Variants in ATP8A1 observed in about 807,000 individuals in gnomAD.
ATP8A1 encodes the protein phospholipid-transporting ATPase IA.
ATP8A1 carries 90 observed loss-of-function variants against 177.7 expected under a neutral mutation model. The observed-to-expected ratio is 0.51, with a 90% confidence interval of 0.43 to 0.60. ATP8A1 has a LOEUF of 0.60. Ranked by LOEUF, ATP8A1 falls within the 20% of genes least tolerant of loss-of-function variation. The pLI, the probability that ATP8A1 is intolerant of heterozygous loss-of-function variation, is 0.00. For synonymous variants in ATP8A1, 493 were observed against 485.9 expected, an observed-to-expected ratio of 1.01 and a Z score of -0.19; for missense variants, 1,072 against 1,392.8, an observed-to-expected ratio of 0.77 and a Z score of 3.67.
chr4:42,655,316 T>C (rs1741505525), intron 1 of ATP8A1, among the ~76,000 whole-genome samples: 2 of 152,170 alleles, frequency 1.3e-5, no homozygotes, highest in African/African-American at 4.8e-5. Context: ...CTTTGGAAAA[T>C]ACACAAGCCA....
chr4:42,451,554 T>A (rs1007365018), intron 30 of ATP8A1, among the ~76,000 whole-genome samples: 12 of 152,160 alleles, frequency 7.9e-5, no homozygotes, highest in Non-Finnish European at 2.9e-5. Context: ...CATAAAAACA[T>A]ATTAAAAACC....
At chr4:42,495,929 G>A (rs920674174) in intron 24 of ATP8A1, among the ~76,000 whole-genome samples, 14 of 152,214 alleles carry the variant, frequency 9.2e-5, no homozygotes, top group Middle Eastern at 3.4e-3. Context: ...TTCCCAGGAC[G>A]GGGGTAGATA....
intron 1 of ATP8A1, among the ~76,000 whole-genome samples, chr4:42,633,324 A>C (rs1216621996): frequency 6.6e-6 from 1 of 152,204 alleles, no homozygotes; most frequent in African/African-American, 2.4e-5. Flanking sequence ...AGTATAAGTG[A>C]AAGGCTTCTG....
intron 1 of ATP8A1, among the ~76,000 whole-genome samples, chr4:42,655,247 C>T (rs894674252): frequency 9.9e-5 from 15 of 152,218 alleles, no homozygotes; most frequent in Admixed American, 3.3e-4. Flanking sequence ...GATGGCACTC[C>T]ACCTTCACCA....
chr4:42,549,979 C>T (rs1454480212), intron 18 of ATP8A1, among the ~76,000 whole-genome samples: 1 of 152,130 alleles, frequency 6.6e-6, no homozygotes, highest in Non-Finnish European at 1.5e-5. Flanking sequence ...AGACCTTTAA[C>T]ACAGAGTCAA....
chr4:42,596,195 A>G (rs754157234), intron 6 of ATP8A1, among the ~76,000 whole-genome samples: 4 of 152,202 alleles, frequency 2.6e-5, no homozygotes, highest in Non-Finnish European at 4.4e-5. Context: ...TGCTTTAATC[A>G]TACATATTCT....
At chr4:42,495,040 AAG>A (rs913985650) in intron 24 of ATP8A1, among the ~76,000 whole-genome samples, 2 of 152,246 alleles carry the variant, frequency 1.3e-5, no homozygotes, top group Admixed American at 6.5e-5. Context: ...AATGTCAAAT[AAG>A]AGGATATATA....
At position 42,411,736 on chromosome 4, in the gene ATP8A1, T is replaced by TG. The variant is rs34850463; in HGVS notation, c.*1179dup. 1 of 152,202 alleles carries TG rather than the reference T, an allele frequency of 6.6e-6. No individual in the cohort carries two copies. The highest frequency in any genetic ancestry group is 2.4e-5 in the African/African-American group (1 of 41,448). 9.4% of individuals were successfully genotyped at this position (152,202 alleles called of 1,614,324 possible). On this transcript the variant is annotated 3_prime_UTR_variant, in exon 37 of 37. Coordinates refer to ENST00000381668, the MANE Select transcript of ATP8A1 (RefSeq NM_006095.2). The stretch of plus-strand genomic sequence containing the variant: ...CTGAGTAAAATCCGCATTTTTTAAA[T>TG]GGGGAAAATGTACTACCTATTTGTC...
At chr4:42,527,855 AAGGGGAGG>A (rs1340114645) in intron 20 of ATP8A1, among the ~76,000 whole-genome samples, 2 of 152,164 alleles carry the variant, frequency 1.3e-5, no homozygotes, top group Non-Finnish European at 2.9e-5. Context: ...CCCTTGAATG[AAGGGGAGG>A]CTGGGTACCC....
intron 24 of ATP8A1, among the ~76,000 whole-genome samples, chr4:42,494,120 G>A (rs1241909463): frequency 3.4e-5 from 4 of 117,702 alleles, no homozygotes; most frequent in African/African-American, 1.3e-4. Flanking sequence ...AGAATTTCTT[G>A]AACCCAGGAG....
At chr4:42,476,511 C>T (rs1405120599) in intron 25 of ATP8A1, among the ~76,000 whole-genome samples, 5 of 151,056 alleles carry the variant, frequency 3.3e-5, no homozygotes, top group Admixed American at 1.3e-4. Context: ...CCCAGCTACT[C>T]GGGAGGCTGA....
intron 24 of ATP8A1, among the ~76,000 whole-genome samples, chr4:42,502,840 G>A (rs1468512371): frequency 6.6e-6 from 1 of 152,108 alleles, no homozygotes; most frequent in Non-Finnish European, 1.5e-5. Context: ...ATAACAAATA[G>A]TCTCCTTTAC....
At chr4:42,420,654 T>C (rs1713797004) in intron 35 of ATP8A1, among the ~76,000 whole-genome samples, 1 of 152,234 alleles carries the variant, frequency 6.6e-6, no homozygotes, top group African/African-American at 2.4e-5. Flanking sequence ...TGTGATTTTA[T>C]TAACATACTT....
intron 33 of ATP8A1, among the ~76,000 whole-genome samples, chr4:42,440,393 GA>G (rs1716496809): frequency 6.7e-6 from 1 of 148,972 alleles, no homozygotes; most frequent in Non-Finnish European, 1.5e-5. Context: ...GGCTTTATGG[GA>G]AACACAACTG....
chr4:42,510,817 T>C (rs773817865), intron 22 of ATP8A1, among the ~76,000 whole-genome samples: 2 of 152,150 alleles, frequency 1.3e-5, no homozygotes, highest in African/African-American at 2.4e-5. Context: ...GAAATCATAT[T>C]TGAAAGAAGG....
intron 15 of ATP8A1, among the ~76,000 whole-genome samples, chr4:42,556,611 G>T (rs971951848): frequency 1.3e-5 from 2 of 151,960 alleles, no homozygotes; most frequent in Non-Finnish European, 2.9e-5. Context: ...TAAAAGTATG[G>T]AATTTTTGTG....
chr4:42,634,399 G>T (rs1012965121), intron 1 of ATP8A1, among the ~76,000 whole-genome samples: 2 of 152,058 alleles, frequency 1.3e-5, no homozygotes, highest in African/African-American at 4.8e-5. Context: ...AATTAATTTT[G>T]CCCATTACTT....
At chr4:42,491,369 C>A (rs1722726653) in intron 24 of ATP8A1, among the ~76,000 whole-genome samples, 1 of 152,050 alleles carries the variant, frequency 6.6e-6, no homozygotes, top group Non-Finnish European at 1.5e-5. Flanking sequence ...AAGATATAAC[C>A]TTCCCAAACA....
intron 31 of ATP8A1, 117 bp downstream of exon 31, chr4:42,446,466 C>T: frequency 2.0e-6 from 2 of 1,003,270 alleles, no homozygotes; most frequent in Non-Finnish European, 2.9e-6. Context: ...TTAAAGGGAA[C>T]CGTAAACAAC....
Sources: allele counts gnomAD v4.1 joint callset (sites outside exome capture counted in the v4.1 genomes callset), GRCh38; gene constraint gnomAD v4.1.1; transcripts MANE v1.5; gene names NCBI Gene and HGNC (gene_info 2026-07-23, HGNC 2026-07-21).